Variants in RNF121 observed in about 807,000 individuals in gnomAD.
RNF121 encodes the protein ring finger protein 121.
A neutral mutation model predicts 46.5 loss-of-function variants in RNF121; 21 were observed. The ratio of observed to expected loss-of-function variants is 0.45; its 90% confidence interval spans 0.32 to 0.65. RNF121 has a LOEUF of 0.65. RNF121 is among the 30% of genes least tolerant of loss of function. The probability of loss-of-function intolerance (pLI) is 0.04; values close to 1 mark genes in which losing one functional copy is unlikely to be tolerated. For missense variants in RNF121, 346 were observed against 416.0 expected, an observed-to-expected ratio of 0.83 and a Z score of 1.46; for synonymous variants, 139 against 144.7, an observed-to-expected ratio of 0.96 and a Z score of 0.28.
chr11:71,963,095 A>C (rs1221222854), intron 3 of RNF121, among the ~76,000 whole-genome samples: 1 of 152,192 alleles, frequency 6.6e-6, no homozygotes, highest in East Asian at 1.9e-4. Flanking sequence ...TACTTTATAT[A>C]ATCTGGATAA....
intron 1 of RNF121, among the ~76,000 whole-genome samples, chr11:71,930,076 G>C (rs978802016): frequency 3.3e-5 from 5 of 152,222 alleles, no homozygotes; most frequent in Non-Finnish European, 7.3e-5. Context: ...GAATCACTAG[G>C]AGGAAGGAGA....
intron 1 of RNF121, among the ~76,000 whole-genome samples, chr11:71,930,229 A>G (rs1953242376): frequency 6.6e-6 from 1 of 152,190 alleles, no homozygotes; most frequent in Non-Finnish European, 1.5e-5. Context: ...TCACAGGAAT[A>G]GGAGGAAGGG....
intron 1 of RNF121, among the ~76,000 whole-genome samples, chr11:71,949,476 A>G (rs1953810380): frequency 6.6e-6 from 1 of 152,200 alleles, no homozygotes; most frequent in South Asian, 2.1e-4. Context: ...ACACTTTGGG[A>G]GGCCCAGGCA....
Position 71,996,643 on chromosome 11 carries a change from T to G in RNF121, c.*328T>G. On this transcript the variant is annotated 3_prime_UTR_variant, in exon 9 of 9. Transcript: ENST00000361756. ...GGGGCAGAGCCATGACATTTTTGGT[T>G]TAAAGGAGCCTTCTCATCTCTGGCC... The G allele has an allele frequency of 4.3e-6, 1 of 231,012 alleles. No homozygotes were observed. Among genetic ancestry groups the G allele is most frequent in the Non-Finnish European group, 8.7e-6 (1 of 114,934 alleles). The allele number at this position is 231,012 out of a possible 1,614,324, so 14.3% of individuals were successfully genotyped here. A position where few individuals can be genotyped will look rare whatever the true frequency, so the allele number is the denominator to read the frequency against.
At chr11:71,949,292 C>A (rs1484439808) in intron 1 of RNF121, among the ~76,000 whole-genome samples, 1 of 151,052 alleles carries the variant, frequency 6.6e-6, no homozygotes, top group Non-Finnish European at 1.5e-5. Flanking sequence ...GTGGCACGTG[C>A]CTATAGTCCC....
At chr11:71,978,082 T>TA in intron 3 of RNF121, 1 of 304,468 alleles carries the variant, frequency 3.3e-6, no homozygotes. Context: ...TTTTTTTTTT[T>TA]AAGAGGTGGG....
At chr11:71,977,296 G>A (rs1439278356) in intron 3 of RNF121, among the ~76,000 whole-genome samples, 1 of 152,226 alleles carries the variant, frequency 6.6e-6, no homozygotes, top group African/African-American at 2.4e-5. Flanking sequence ...CTGTGGACTG[G>A]AAAGGCACCT....
At chr11:71,990,113 A>G in intron 5 of RNF121, among the ~76,000 whole-genome samples, 1 of 152,216 alleles carries the variant, frequency 6.6e-6, no homozygotes. Flanking sequence ...AGTAATTTTC[A>G]GTCTCTGCAC....
intron 1 of RNF121, among the ~76,000 whole-genome samples, chr11:71,953,150 TA>T (rs1490300409): frequency 1.3e-5 from 2 of 152,268 alleles, no homozygotes; most frequent in Admixed American, 1.3e-4. Context: ...CCTCCTGCCT[TA>T]GCCTCCCAAG....
At chr11:71,980,138 A>G (rs1277753722) in intron 3 of RNF121, among the ~76,000 whole-genome samples, 1 of 152,062 alleles carries the variant, frequency 6.6e-6, no homozygotes, top group African/African-American at 2.4e-5. Context: ...CTTTTTATGT[A>G]AGGTCAGACT....
intron 1 of RNF121, among the ~76,000 whole-genome samples, chr11:71,950,779 A>G (rs1490445944): frequency 6.6e-6 from 1 of 151,884 alleles, no homozygotes; most frequent in Non-Finnish European, 1.5e-5. Context: ...CAGCCTCCCC[A>G]GTAGCTGGGA....
chr11:71,984,375 G>T (rs1017710693), intron 4 of RNF121, among the ~76,000 whole-genome samples: 6 of 151,894 alleles, frequency 4.0e-5, no homozygotes, highest in African/African-American at 1.5e-4. Context: ...CGCCTCCTGG[G>T]TTCACACCAT....
chr11:71,945,974 G>C (rs1397390171), intron 1 of RNF121, among the ~76,000 whole-genome samples: 1 of 151,956 alleles, frequency 6.6e-6, no homozygotes, highest in Admixed American at 6.6e-5. Flanking sequence ...AGCCAGACAT[G>C]GTGGCTCGTT....
chr11:71,945,730 T>G (rs1392073988), intron 1 of RNF121, among the ~76,000 whole-genome samples: 1 of 152,188 alleles, frequency 6.6e-6, no homozygotes, highest in Non-Finnish European at 1.5e-5. Flanking sequence ...AAAAACTGTT[T>G]GCAAATCATA....
chr11:71,930,039 G>A (rs558386357), intron 1 of RNF121, among the ~76,000 whole-genome samples: 1 of 152,330 alleles, frequency 6.6e-6, no homozygotes, highest in East Asian at 1.9e-4. Flanking sequence ...AAAGACTGGT[G>A]TATTAAAATA....
intron 1 of RNF121, chr11:71,939,683 G>A (rs1251199109): frequency 1.3e-5 from 2 of 152,174 alleles, no homozygotes; most frequent in African/African-American, 4.8e-5. Flanking sequence ...AGTGGAGGTG[G>A]GATTTGAACA....
chr11:71,960,544 C>T (rs1168960873), intron 2 of RNF121, among the ~76,000 whole-genome samples: 4 of 152,014 alleles, frequency 2.6e-5, no homozygotes, highest in Non-Finnish European at 4.4e-5. Context: ...GGCTTGGTTG[C>T]TGGGGGGTCC....
chr11:71,943,102 A>G (rs79278569), intron 1 of RNF121, among the ~76,000 whole-genome samples: 1,874 of 152,256 alleles, frequency 0.012, 16 homozygotes, highest in Non-Finnish European at 0.018. Flanking sequence ...TCAACGTACT[A>G]ATTTTGGGGA....
At chr11:71,985,240 G>A (rs933363349) in intron 4 of RNF121, among the ~76,000 whole-genome samples, 3 of 152,098 alleles carry the variant, frequency 2.0e-5, no homozygotes, top group Non-Finnish European at 4.4e-5. Flanking sequence ...AAGCACTTTT[G>A]TGAACATCCT....
Sources: gnomAD v4.1 joint callset for allele counts (sites outside exome capture counted in the v4.1 genomes callset) on GRCh38, gnomAD v4.1.1 for gene constraint, MANE v1.5 for transcripts, NCBI Gene and HGNC (gene_info 2026-07-23, HGNC 2026-07-21) for gene names.